Variants in ARHGEF33 observed in about 807,000 individuals in gnomAD.
ARHGEF33 encodes Rho guanine nucleotide exchange factor 33.
ARHGEF33 carries 72 observed loss-of-function variants against 101.9 expected under a neutral mutation model. That is an observed-to-expected ratio of 0.71 (90% confidence interval 0.58 to 0.86). The LOEUF (loss-of-function observed/expected upper bound fraction) is 0.86. Among genes scored for constraint, ARHGEF33 ranks in the 40% least tolerant of loss-of-function variants. ARHGEF33 has a pLI of 0.00. For missense variants in ARHGEF33, 1,169 were observed against 1,111.3 expected, an observed-to-expected ratio of 1.05 and a Z score of -0.74; for synonymous variants, 499 against 442.5, an observed-to-expected ratio of 1.13 and a Z score of -1.60.
At chr2:38,915,751 T>G (rs1433649597) in intron 2 of ARHGEF33, among the ~76,000 whole-genome samples, 2 of 152,166 alleles carry the variant, frequency 1.3e-5, no homozygotes, top group African/African-American at 4.8e-5. Context: ...TTATTATGTC[T>G]CATGGTGGCT....
intron 16 of ARHGEF33, among the ~76,000 whole-genome samples, chr2:38,962,541 C>T (rs1239312634): frequency 1.3e-5 from 2 of 152,126 alleles, no homozygotes; most frequent in Non-Finnish European, 2.9e-5. Context: ...CAAGTTTCAT[C>T]TCCTAACAGT....
intron 2 of ARHGEF33, among the ~76,000 whole-genome samples, chr2:38,898,373 GC>G (rs1666166649): frequency 6.6e-6 from 1 of 152,150 alleles, no homozygotes. Flanking sequence ...TAAGTCCCAT[GC>G]ACAGGCAAGC....
At chr2:38,923,809 A>T (rs1328374618) in intron 4 of ARHGEF33, among the ~76,000 whole-genome samples, 2 of 152,218 alleles carry the variant, frequency 1.3e-5, no homozygotes, top group African/African-American at 4.8e-5. Context: ...ATCAAAACAA[A>T]TGCCAAAGTG....
At chr2:38,935,978 A>C (rs1667118348) in intron 8 of ARHGEF33, 144 bp downstream of exon 8, 1 of 726,580 alleles carries the variant, frequency 1.4e-6, no homozygotes, top group South Asian at 1.9e-5. Context: ...CGAAGATTCC[A>C]AGATGTGTAC....
chr2:38,922,594 A>C (rs557295309), intron 4 of ARHGEF33, among the ~76,000 whole-genome samples: 21 of 152,208 alleles, frequency 1.4e-4, no homozygotes, highest in Non-Finnish European at 2.6e-4. Flanking sequence ...ATTTCAACTG[A>C]ATACACATTT....
intron 2 of ARHGEF33, among the ~76,000 whole-genome samples, chr2:38,909,381 G>A (rs1002762518): frequency 6.6e-6 from 1 of 151,812 alleles, no homozygotes; most frequent in Non-Finnish European, 1.5e-5. Context: ...GAGTGCAGTG[G>A]CTCTATCATC....
intron 17 of ARHGEF33, chr2:38,973,324 G>C (rs1668207016): frequency 6.5e-6 from 1 of 152,918 alleles, no homozygotes; most frequent in South Asian, 2.1e-4. Flanking sequence ...GAAGGTCCTT[G>C]ATAACCTTGG....
At chr2:38,892,894 C>G (rs1012147528) in intron 1 of ARHGEF33, among the ~76,000 whole-genome samples, 3 of 152,172 alleles carry the variant, frequency 2.0e-5, no homozygotes, top group Non-Finnish European at 4.4e-5. Flanking sequence ...AAGGTGCCTG[C>G]TCACTGGCCT....
chr2:38,946,842 T>G (rs1667464115), intron 10 of ARHGEF33, among the ~76,000 whole-genome samples: 1 of 152,162 alleles, frequency 6.6e-6, no homozygotes, highest in Non-Finnish European at 1.5e-5. Flanking sequence ...GTCAGGCTGG[T>G]CTCGAACTCC....
rs561928306 is a variant in ARHGEF33 at position 38,936,216 on chromosome 2, A to G, written c.565+382A>G. ...TTACATCTGTGTAGTGCAGGTAATA[A>G]AGGACTAAATAATAGAAAAGAAACA... On this transcript the variant is annotated intron_variant, in intron 8 of 17. Transcript: ENST00000409978. Among the ~76,000 whole-genome samples, 10 of 152,358 alleles carry G rather than the reference A, an allele frequency of 6.6e-5. No homozygotes were observed. The South Asian group carries it at 1.9e-3, about 28-fold the overall frequency.
chr2:38,965,956 T>A, intron 16 of ARHGEF33, 50 bp from the exon 17 acceptor site: 1 of 1,544,784 alleles, frequency 6.5e-7, no homozygotes, highest in Non-Finnish European at 8.7e-7. Context: ...TCAGGATCCA[T>A]AATAACATTG....
intron 17 of ARHGEF33, chr2:38,971,894 T>G (rs1380296404): frequency 2.8e-6 from 2 of 718,584 alleles, no homozygotes; most frequent in Non-Finnish European, 5.2e-6. Context: ...CTGGTGAAGA[T>G]TTCTGTGGTC....
At chr2:38,954,640 T>C (rs1572773817) in intron 13 of ARHGEF33, among the ~76,000 whole-genome samples, 184 bp downstream of exon 13, 1 of 150,724 alleles carries the variant, frequency 6.6e-6, no homozygotes, top group East Asian at 1.9e-4. Context: ...AACCTTTTTT[T>C]TTTTTTTTTT....
chr2:38,927,354 A>C (rs1465864329), intron 4 of ARHGEF33, among the ~76,000 whole-genome samples: 1 of 152,244 alleles, frequency 6.6e-6, no homozygotes, highest in Admixed American at 6.5e-5. Context: ...ACACATTCAA[A>C]GAAACTTTGT....
intron 2 of ARHGEF33, among the ~76,000 whole-genome samples, chr2:38,897,119 T>C (rs12621073): frequency 0.61 from 92,535 of 151,932 alleles, 30,439 homozygotes; most frequent in East Asian, 0.82. Flanking sequence ...TTTCATCATA[T>C]TGGTCAGGCT....
intron 7 of ARHGEF33, among the ~76,000 whole-genome samples, chr2:38,933,032 T>C (rs1323700871): frequency 6.6e-6 from 1 of 152,236 alleles, no homozygotes. Context: ...GTTGATAAAA[T>C]GGTACAACTG....
In ARHGEF33 at chr2:38,929,836, T is replaced by G. The variant is rs1666954949; in HGVS notation, c.362+6T>G. On this transcript the variant is annotated splice_donor_region_variant and intron_variant, in intron 6 of 17. Transcript: ENST00000409978. ...TCTCGAAAAGTTAAAGCCAAGTGAG[T>G]GTCTTTTAAAAATGTACCAAAGGCA... The G allele has an allele frequency of 6.5e-7, 1 of 1,550,348 alleles. No homozygotes were observed. The highest frequency in any genetic ancestry group is 8.7e-7 in the Non-Finnish European group (1 of 1,146,332).
At chr2:38,952,840 C>T (rs953457101) in intron 11 of ARHGEF33, among the ~76,000 whole-genome samples, 3 of 151,960 alleles carry the variant, frequency 2.0e-5, no homozygotes, top group Non-Finnish European at 4.4e-5. Flanking sequence ...CTGAGATTAG[C>T]GGCACCTGCC....
chr2:38,890,225 C>T lies in ARHGEF33; in HGVS notation c.-159+239C>T, dbSNP rs76022118. Among the ~76,000 whole-genome samples the T allele has an allele frequency of 3.0e-3, 453 of 152,188 alleles. 4 individuals carry two copies. The highest frequency in any genetic ancestry group is 0.01 in the Middle Eastern group (3 of 292). On this transcript the variant is annotated intron_variant, in intron 1 of 17. Coordinates refer to ENST00000409978, the MANE Select transcript of ARHGEF33 (RefSeq NM_001145451.5). ...GTCTTAACTGCGCTTTGCAGGTTATCGATAAACTGGAGACTGAAGTTGTTC... is the reference window on the plus strand; with the variant it reads ...GTCTTAACTGCGCTTTGCAGGTTATTGATAAACTGGAGACTGAAGTTGTTC...
Sources: gnomAD v4.1 joint callset for allele counts (sites outside exome capture counted in the v4.1 genomes callset) on GRCh38, gnomAD v4.1.1 for gene constraint, MANE v1.5 for transcripts, NCBI Gene and HGNC (gene_info 2026-07-23, HGNC 2026-07-21) for gene names.